The following KCNJ6 variants were observed in gnomAD, a reference collection of about 807,000 sequenced individuals.
The protein encoded by KCNJ6 is potassium inwardly rectifying channel subfamily J member 6.
A neutral mutation model predicts 34.2 loss-of-function variants in KCNJ6; 9 were observed. The observed-to-expected ratio is 0.26, with a 90% CI of 0.16 to 0.46. The LOEUF (loss-of-function observed/expected upper bound fraction) is 0.46. KCNJ6 is among the 20% of genes least tolerant of loss of function. KCNJ6 has a pLI of 1.00. For synonymous variants in KCNJ6, 196 were observed against 207.1 expected (o/e 0.95, Z 0.46); for missense variants, 236 against 531.3 (o/e 0.44, Z 5.46).
intron 3 of KCNJ6, among the ~76,000 whole-genome samples, chr21:37,634,741 T>A (rs1014420026): frequency 6.7e-6 from 1 of 148,526 alleles, no homozygotes; most frequent in Non-Finnish European, 1.5e-5. Context: ...TAATATAGTA[T>A]TTAGGAATAC....
At chr21:37,658,861 C>T (rs2123395981) in intron 3 of KCNJ6, among the ~76,000 whole-genome samples, 1 of 152,362 alleles carries the variant, frequency 6.6e-6, no homozygotes, top group Admixed American at 6.5e-5. Context: ...CAGGCTGGTC[C>T]TCTTTCCTTT....
intron 3 of KCNJ6, among the ~76,000 whole-genome samples, chr21:37,691,536 G>A (rs1024130887): frequency 2.0e-5 from 3 of 152,178 alleles, no homozygotes; most frequent in South Asian, 2.1e-4. Context: ...AGCTGAGACC[G>A]ACTTCTAAGG....
intron 3 of KCNJ6, among the ~76,000 whole-genome samples, chr21:37,684,549 G>A (rs8129368): frequency 0.094 from 14,375 of 152,192 alleles, 1,624 homozygotes; most frequent in African/African-American, 0.27. Context: ...TGTTAGCATA[G>A]GAAGGTTAGG....
rs1348710346 is a variant in KCNJ6 at position 37,617,129 on chromosome 21, T to TTC, written c.*8028_*8029dup. 2 of 111,388 alleles carry TTC rather than the reference T, an allele frequency of 1.8e-5. No homozygotes were observed. Among genetic ancestry groups the TTC allele is most frequent in the Admixed American group, 1.1e-4 (1 of 9,472 alleles). 6.9% of individuals were successfully genotyped at this position (111,388 alleles called of 1,614,324 possible). On this transcript the variant is annotated 3_prime_UTR_variant, in exon 4 of 4. Transcript: ENST00000609713. ...CTTTCTTTCCTTCTTCCTTCCTTCC[T>TTC]TCTTTCTTTCCTTCCTTCCTTCCTT...
chr21:37,715,380 C>A (rs1006711822), intron 2 of KCNJ6, among the ~76,000 whole-genome samples: 2 of 152,224 alleles, frequency 1.3e-5, no homozygotes, highest in African/African-American at 2.4e-5. Context: ...CTTATTGCTG[C>A]AAAATTGTGT....
chr21:37,903,062 G>A (rs2055824472), intron 1 of KCNJ6, among the ~76,000 whole-genome samples: 1 of 151,958 alleles, frequency 6.6e-6, no homozygotes, highest in East Asian at 1.9e-4. Context: ...TGTTCTCAGG[G>A]GCTAAGAGCT....
intron 2 of KCNJ6, among the ~76,000 whole-genome samples, chr21:37,838,986 C>A (rs1018056115): frequency 6.6e-6 from 1 of 152,186 alleles, no homozygotes; most frequent in Non-Finnish European, 1.5e-5. Context: ...ATGCCTGCTC[C>A]TTTTTTGCCC....
At chr21:37,802,986 G>T (rs1568854100) in intron 2 of KCNJ6, among the ~76,000 whole-genome samples, 1 of 152,158 alleles carries the variant, frequency 6.6e-6, no homozygotes, top group Non-Finnish European at 1.5e-5. Flanking sequence ...CTCCTGACCT[G>T]TTTTACCCAC....
At chr21:37,773,586 A>G (rs535946659) in intron 2 of KCNJ6, among the ~76,000 whole-genome samples, 3 of 152,118 alleles carry the variant, frequency 2.0e-5, no homozygotes, top group African/African-American at 7.2e-5. Context: ...AGGGGGATGG[A>G]ATTGTCGACT....
intron 3 of KCNJ6, among the ~76,000 whole-genome samples, chr21:37,674,317 AG>A (rs1186915081): frequency 6.6e-6 from 1 of 152,182 alleles, no homozygotes; most frequent in Non-Finnish European, 1.5e-5. Flanking sequence ...CTCAGTCCCA[AG>A]CAAATGAGGA....
chr21:37,787,821 A>G (rs2055199384), intron 2 of KCNJ6, among the ~76,000 whole-genome samples: 1 of 152,244 alleles, frequency 6.6e-6, no homozygotes, highest in Non-Finnish European at 1.5e-5. Context: ...TATTAATTAA[A>G]GTTACAAGTT....
At chr21:37,842,273 G>A (rs1398993987) in intron 1 of KCNJ6, among the ~76,000 whole-genome samples, 1 of 152,190 alleles carries the variant, frequency 6.6e-6, no homozygotes, top group Non-Finnish European at 1.5e-5. Flanking sequence ...GAAGCCCAGG[G>A]TGGTATTTGC....
At chr21:37,634,068 A>G (rs886796176) in intron 3 of KCNJ6, among the ~76,000 whole-genome samples, 3 of 152,246 alleles carry the variant, frequency 2.0e-5, no homozygotes, top group African/African-American at 7.2e-5. Context: ...AAGTATGGAC[A>G]TGTGCAACAG....
At chr21:37,648,729 C>T (rs555441561) in intron 3 of KCNJ6, among the ~76,000 whole-genome samples, 1 of 152,284 alleles carries the variant, frequency 6.6e-6, no homozygotes, top group East Asian at 1.9e-4. Context: ...CTTCTTCCTG[C>T]TATTTCTTGG....
At chr21:37,864,868 TCTC>T (rs1272469957) in intron 1 of KCNJ6, among the ~76,000 whole-genome samples, 1 of 139,146 alleles carries the variant, frequency 7.2e-6, no homozygotes, top group Admixed American at 7.0e-5. Context: ...TCTGTCTCTC[TCTC>T]TTTTTTTTTT....
chr21:37,707,116 G>GA (rs2054724251), intron 3 of KCNJ6, among the ~76,000 whole-genome samples: 1 of 151,852 alleles, frequency 6.6e-6, no homozygotes, highest in South Asian at 2.1e-4. Context: ...GCAGTACCCG[G>GA]GCAGAGGCCA....
At chr21:37,828,759 A>AGCTGAG (rs1161189443) in intron 2 of KCNJ6, among the ~76,000 whole-genome samples, 9 of 152,080 alleles carry the variant, frequency 5.9e-5, no homozygotes, top group African/African-American at 1.9e-4. Flanking sequence ...CAATTTCCAG[A>AGCTGAG]GCTGAGGCTG....
intron 1 of KCNJ6, among the ~76,000 whole-genome samples, chr21:37,901,986 T>A (rs911599409): frequency 6.6e-6 from 1 of 152,186 alleles, no homozygotes; most frequent in Non-Finnish European, 1.5e-5. Context: ...AAACCTGATA[T>A]AGAGAGAAGT....
chr21:37,787,303 A>G (rs1237973669), intron 2 of KCNJ6, among the ~76,000 whole-genome samples: 1 of 152,172 alleles, frequency 6.6e-6, no homozygotes, highest in Non-Finnish European at 1.5e-5. Context: ...CTGGGGGTAG[A>G]GGGGGCTGAA....
Sources: allele counts gnomAD v4.1 joint callset (sites outside exome capture counted in the v4.1 genomes callset), GRCh38; gene constraint gnomAD v4.1.1; transcripts MANE v1.5; gene names NCBI Gene and HGNC (gene_info 2026-07-23, HGNC 2026-07-21).